FAM135B: variants seen among roughly 807,000 people sequenced by gnomAD.
FAM135B encodes the protein family with sequence similarity 135 member B.
FAM135B carries 43 observed loss-of-function variants against 127.7 expected under a neutral mutation model. The ratio of observed to expected loss-of-function variants is 0.34; its 90% CI spans 0.26 to 0.43. FAM135B has a LOEUF of 0.43. FAM135B is among the 20% of genes least tolerant of loss of function. FAM135B has a pLI of 1.00. For synonymous variants in FAM135B, 670 were observed against 665.1 expected (o/e 1.01, Z -0.11); for missense variants, 1,558 against 1,725.6 (o/e 0.90, Z 1.72).
intron 1 of FAM135B, among the ~76,000 whole-genome samples, chr8:138,376,231 T>C (rs1359539458): frequency 1.3e-5 from 2 of 152,108 alleles, no homozygotes; most frequent in Non-Finnish European, 2.9e-5. Flanking sequence ...ACATGAACCA[T>C]TGCACCTGGC....
In FAM135B at chr8:138,195,398, G is replaced by A. The variant is rs1586741715; in HGVS notation, c.824-91C>T. The A allele has an allele frequency of 2.5e-6, 3 of 1,221,070 alleles. No homozygotes were observed. In the East Asian group the frequency reaches 7.0e-5, roughly 28 times the overall value. The allele number at this position is 1,221,070 out of a possible 1,614,324, so 75.6% of individuals were successfully genotyped here. A position where few individuals can be genotyped will look rare whatever the true frequency, so the allele number is the denominator to read the frequency against. ...AATGAAAAAGCAAAAGTTTCACATT[G>A]GCATTAACGTCACAGAGACAAACAC... is the stretch of plus-strand genomic sequence containing the variant. On this transcript the variant is annotated intron_variant, in intron 8 of 19. Transcript: ENST00000395297.
intron 1 of FAM135B, among the ~76,000 whole-genome samples, chr8:138,415,581 G>A (rs895088629): frequency 6.6e-6 from 1 of 152,204 alleles, no homozygotes; most frequent in African/African-American, 2.4e-5. Context: ...GGAAGCTCAG[G>A]TCTCCTGAAT....
chr8:138,311,037 T>A, intron 2 of FAM135B, 117 bp from the exon 3 acceptor site: 1 of 719,238 alleles, frequency 1.4e-6, no homozygotes, highest in Non-Finnish European at 2.3e-6. Flanking sequence ...CTTGGCAGCA[T>A]GCACAATCAT....
chr8:138,372,184 T>C (rs1029898603), intron 1 of FAM135B, among the ~76,000 whole-genome samples: 1 of 152,184 alleles, frequency 6.6e-6, no homozygotes, highest in South Asian at 2.1e-4. Flanking sequence ...CAGCAGGTCA[T>C]CTCAACCTCA....
At chr8:138,477,114 C>T (rs1814513647) in intron 1 of FAM135B, among the ~76,000 whole-genome samples, 1 of 152,148 alleles carries the variant, frequency 6.6e-6, no homozygotes, top group Non-Finnish European at 1.5e-5. Flanking sequence ...CATGTAGCTG[C>T]TGCAAAGGCT....
At chr8:138,182,797 A>G (rs1003702003) in intron 9 of FAM135B, among the ~76,000 whole-genome samples, 1 of 152,212 alleles carries the variant, frequency 6.6e-6, no homozygotes, top group Non-Finnish European at 1.5e-5. Flanking sequence ...ACTGGTCCTC[A>G]ATTATGGTTG....
intron 3 of FAM135B, among the ~76,000 whole-genome samples, chr8:138,290,119 C>A (rs1414454045): frequency 6.6e-6 from 1 of 152,198 alleles, no homozygotes; most frequent in African/African-American, 2.4e-5. Flanking sequence ...GGGGGGTCCA[C>A]ATCATGAATC....
At chr8:138,362,189 G>A (rs1010139986) in intron 2 of FAM135B, among the ~76,000 whole-genome samples, 1 of 150,928 alleles carries the variant, frequency 6.6e-6, no homozygotes, top group Non-Finnish European at 1.5e-5. Flanking sequence ...TAGTCACTCT[G>A]TTGTGCTATC....
intron 1 of FAM135B, among the ~76,000 whole-genome samples, chr8:138,485,304 A>G (rs1222375539): frequency 6.6e-6 from 1 of 152,168 alleles, no homozygotes; most frequent in African/African-American, 2.4e-5. Context: ...CCAAAGCCAC[A>G]CAAGGTCCCA....
chr8:138,146,805 G>A (rs1461903211), intron 14 of FAM135B, among the ~76,000 whole-genome samples: 2 of 152,090 alleles, frequency 1.3e-5, no homozygotes, highest in African/African-American at 4.8e-5. Flanking sequence ...ATAAATTTTT[G>A]TCCTATTTCT....
chr8:138,493,221 G>C (rs1002091652), intron 1 of FAM135B, among the ~76,000 whole-genome samples: 2 of 152,108 alleles, frequency 1.3e-5, no homozygotes, highest in African/African-American at 4.8e-5. Context: ...AGATATTAGC[G>C]ATGTCCGTGA....
At chr8:138,143,544 G>C (rs916335426) in intron 15 of FAM135B, among the ~76,000 whole-genome samples, 2 of 152,172 alleles carry the variant, frequency 1.3e-5, no homozygotes, top group Non-Finnish European at 2.9e-5. Context: ...AGCCTTTAGA[G>C]TATGCAGTCA....
At chr8:138,186,741 G>A (rs1815619199) in intron 9 of FAM135B, among the ~76,000 whole-genome samples, 1 of 152,158 alleles carries the variant, frequency 6.6e-6, no homozygotes, top group African/African-American at 2.4e-5. Flanking sequence ...TGCAGCTTGG[G>A]GCACCGCCCT....
At chr8:138,463,341 G>C (rs1161390489) in intron 1 of FAM135B, among the ~76,000 whole-genome samples, 2 of 152,204 alleles carry the variant, frequency 1.3e-5, no homozygotes, top group African/African-American at 4.8e-5. Flanking sequence ...GGGCCAGCCA[G>C]GAGTTAGAAA....
At chr8:138,237,347 GACGGGGTTTCT>G (rs1820380409) in intron 7 of FAM135B, among the ~76,000 whole-genome samples, 1 of 151,960 alleles carries the variant, frequency 6.6e-6, no homozygotes, top group Admixed American at 6.6e-5. Context: ...TTTTAGTAGA[GACGGGGTTTCT>G]CCATGTTGGC....
chr8:138,277,469 A>T (rs1221340649), intron 3 of FAM135B, among the ~76,000 whole-genome samples: 3 of 152,176 alleles, frequency 2.0e-5, no homozygotes, highest in African/African-American at 7.2e-5. Context: ...TGGCTGGGTC[A>T]AGTAATTAAC....
chr8:138,405,202 T>TC (rs1491376859), intron 1 of FAM135B, among the ~76,000 whole-genome samples: 14 of 146,716 alleles, frequency 9.5e-5, no homozygotes, highest in Non-Finnish European at 4.4e-5. Flanking sequence ...GTAGTAATAT[T>TC]CTTTTTTTTT....
chr8:138,243,229 T>C lies in FAM135B; in HGVS notation c.543-161A>G, dbSNP rs1338665058. On this transcript the variant is annotated intron_variant, in intron 6 of 19. Transcript: ENST00000395297. The surrounding 1 kb of genome is among the most constrained non-coding windows in gnomAD (Gnocchi z 7.5). ...GTTTGCATGTGACATTTGTGGATAT[T>C]TTGATGATAAAGAGGGTACAACTGG... Among the ~76,000 whole-genome samples the C allele has an allele frequency of 6.6e-6, 1 of 152,168 alleles. No homozygotes were observed. Among genetic ancestry groups the C allele is most frequent in the East Asian group, 1.9e-4 (1 of 5,192 alleles).
At chr8:138,483,797 T>C (rs1263318332) in intron 1 of FAM135B, among the ~76,000 whole-genome samples, 1 of 152,136 alleles carries the variant, frequency 6.6e-6, no homozygotes, top group African/African-American at 2.4e-5. Context: ...GTCAATCCAG[T>C]CTCAGTTTTA....
Sources: gnomAD v4.1 joint callset for allele counts (sites outside exome capture counted in the v4.1 genomes callset) on GRCh38, gnomAD v4.1.1 for gene constraint, Gnocchi (gnomAD v3.1) non-coding constraint, MANE v1.5 for transcripts, NCBI Gene and HGNC (gene_info 2026-07-23, HGNC 2026-07-21) for gene names.